Variants in SLC39A14 observed in about 807,000 individuals in gnomAD.
SLC39A14 encodes solute carrier family 39 member 14, also known as metal cation symporter ZIP14.
Under a neutral mutation model 45.5 loss-of-function variants are expected in SLC39A14, and 19 were observed. The observed-to-expected ratio is 0.42, with a 90% confidence interval of 0.29 to 0.61. The LOEUF is 0.61. Ranked by LOEUF, SLC39A14 falls within the 20% of genes least tolerant of loss-of-function variation. SLC39A14 has a pLI of 0.22. For missense variants in SLC39A14, 447 were observed against 616.5 expected (o/e 0.73, Z 2.91); for synonymous variants, 264 against 251.3 (o/e 1.05, Z -0.48).
intron 1 of SLC39A14, among the ~76,000 whole-genome samples, chr8:22,381,419 C>T (rs1238351509): frequency 3.3e-5 from 5 of 151,944 alleles, no homozygotes; most frequent in African/African-American, 7.3e-5. Context: ...TATAGGCGCC[C>T]GCCACCAGGC....
chr8:22,407,857 T>C (rs1835318356), intron 2 of SLC39A14, among the ~76,000 whole-genome samples: 1 of 152,004 alleles, frequency 6.6e-6, no homozygotes, highest in Admixed American at 6.6e-5. Flanking sequence ...AGTACAGGTA[T>C]GTGCCGCCAC....
chr8:22,396,980 A>G (rs1345239863), intron 1 of SLC39A14, among the ~76,000 whole-genome samples: 3 of 151,316 alleles, frequency 2.0e-5, no homozygotes, highest in African/African-American at 7.4e-5. Context: ...TTTTCTTTTA[A>G]AAGTTCTACT....
intron 1 of SLC39A14, among the ~76,000 whole-genome samples, chr8:22,372,251 C>T (rs921617801): frequency 1.3e-5 from 2 of 151,966 alleles, no homozygotes; most frequent in African/African-American, 2.4e-5. Flanking sequence ...TCCGTATTCA[C>T]ATAGTTGAAA....
intron 1 of SLC39A14, chr8:22,398,882 T>C (rs1173826418): frequency 3.0e-6 from 1 of 334,030 alleles, no homozygotes; most frequent in Non-Finnish European, 4.3e-6. Flanking sequence ...GTGTCTTGCT[T>C]TTTCCTATGT....
At chr8:22,398,844 T>G in intron 1 of SLC39A14, 4 of 685,932 alleles carry the variant, frequency 5.8e-6, no homozygotes, top group Non-Finnish European at 7.2e-6. Context: ...AGGCAACTTC[T>G]GCGCTTCCAT....
At position 22,367,393 on chromosome 8, in the gene SLC39A14, C is replaced by A. The variant is rs1022422131; in HGVS notation, c.-31C>A. 1.3e-5 allele frequency: 2 copies of A among 152,074 alleles called. No individual in the cohort carries two copies. Among genetic ancestry groups the A allele is most frequent in the African/African-American group, 4.8e-5 (2 of 41,422 alleles). 9.4% of individuals were successfully genotyped at this position (152,074 alleles called of 1,614,324 possible). A position where few individuals can be genotyped will look rare whatever the true frequency, so the allele number is the denominator to read the frequency against. On this transcript the variant is annotated 5_prime_UTR_variant, in exon 1 of 9. Transcript: ENST00000381237. This position sits in a 1 kb window ranked among gnomAD's most constrained non-coding sequence, Gnocchi z 4.2. ...CGGTGAGGCTGCGCGGGGCCGAGGC[C>A]GCCTCCGAGCGCCAGGTGAGGGCGG...
At chr8:22,433,990 C>G (rs1392513981) in exon 9 of SLC39A14, 10 of 404,932 alleles carry the variant, frequency 2.5e-5, no homozygotes, top group Non-Finnish European at 1.5e-5. Context: ...CTGTCTAAGC[C>G]TCCCGAGTAA....
chr8:22,369,724 T>G (rs929505761), intron 1 of SLC39A14, among the ~76,000 whole-genome samples: 1 of 152,204 alleles, frequency 6.6e-6, no homozygotes, highest in Non-Finnish European at 1.5e-5. Flanking sequence ...GTGAGAAATT[T>G]CTTAACTTCT....
intron 1 of SLC39A14, among the ~76,000 whole-genome samples, chr8:22,378,905 G>T (rs960244295): frequency 6.6e-6 from 1 of 152,198 alleles, no homozygotes; most frequent in African/African-American, 2.4e-5. Context: ...TGTGTCCCAT[G>T]GTTCCCCTGA....
rs965857462 is a variant in SLC39A14, at chr8:22,403,684, C to T, written c.-15-1012C>T. Among the ~76,000 whole-genome samples the T allele has an allele frequency of 6.6e-5, 10 of 151,408 alleles. No homozygotes were observed. In the South Asian group the frequency reaches 1.0e-3, roughly 16 times the overall value. On this transcript the variant is annotated intron_variant, in intron 1 of 8. Transcript: ENST00000381237. ...CTATAATCCCAGCAGTTTGGGAGGC[C>T]GAGGTGGGTGGATCACTTGAGCCCA...
intron 3 of SLC39A14, chr8:22,411,826 G>C (rs745428795): frequency 1.8e-6 from 1 of 557,346 alleles, no homozygotes; most frequent in Non-Finnish European, 3.2e-6. Context: ...TTCATCAGAT[G>C]TGAATCACTA....
At chr8:22,407,089 T>C (rs892290681) in intron 2 of SLC39A14, among the ~76,000 whole-genome samples, 1 of 152,188 alleles carries the variant, frequency 6.6e-6, no homozygotes, top group South Asian at 2.1e-4. Flanking sequence ...TGGCCGGCCA[T>C]GGCCCACTTC....
At chr8:22,393,375 C>CAGACA in intron 1 of SLC39A14, 1 of 327,914 alleles carries the variant, frequency 3.0e-6, no homozygotes, top group Non-Finnish European at 4.4e-6. Context: ...CAGCCTAGGT[C>CAGACA]AGCTTGTCTG....
chr8:22,414,205 C>T (rs1468118059), intron 4 of SLC39A14, among the ~76,000 whole-genome samples: 1 of 152,126 alleles, frequency 6.6e-6, no homozygotes, highest in Non-Finnish European at 1.5e-5. Flanking sequence ...TCAGAAAGGA[C>T]TCAAAACAAA....
At chr8:22,377,249 C>A in intron 1 of SLC39A14, among the ~76,000 whole-genome samples, 1 of 151,590 alleles carries the variant, frequency 6.6e-6, no homozygotes, top group East Asian at 1.9e-4. Flanking sequence ...CCGGTTGTCT[C>A]CTGTGTTCTT....
chr8:22,378,850 A>G (rs1833348749), intron 1 of SLC39A14, among the ~76,000 whole-genome samples: 1 of 152,208 alleles, frequency 6.6e-6, no homozygotes, highest in Non-Finnish European at 1.5e-5. Flanking sequence ...GCAGCTGAAC[A>G]TGATCAGGTC....
At chr8:22,398,853 A>G (rs1834674914) in intron 1 of SLC39A14, 3 of 578,196 alleles carry the variant, frequency 5.2e-6, no homozygotes, top group Non-Finnish European at 6.6e-6. Context: ...CTGCGCTTCC[A>G]TAGAGGGTTC....
chr8:22,425,028 C>CAAAA (rs71544902), downstream of SLC39A14, among the ~76,000 whole-genome samples: 1,790 of 74,080 alleles, frequency 0.024, 57 homozygotes, highest in African/African-American at 0.058. Flanking sequence ...GACTCCGTCT[C>CAAAA]AAAAAAAAAA....
downstream of SLC39A14, chr8:22,422,771 AGTTTT>A: frequency 1.0e-6 from 1 of 954,132 alleles, no homozygotes; most frequent in Non-Finnish European, 1.2e-6. Context: ...TGACGTACAA[AGTTTT>A]GTTTTACCAG....
Sources: allele counts gnomAD v4.1 joint callset (sites outside exome capture counted in the v4.1 genomes callset), GRCh38; gene constraint gnomAD v4.1.1; non-coding constraint Gnocchi (gnomAD v3.1); transcripts MANE v1.5; gene names NCBI Gene and HGNC (gene_info 2026-07-23, HGNC 2026-07-21).